The following CPVL variants were observed in gnomAD, a reference collection of about 807,000 sequenced individuals.
CPVL encodes probable serine carboxypeptidase CPVL.
CPVL carries 51 observed loss-of-function variants against 63.7 expected under a neutral mutation model. That is an observed-to-expected ratio of 0.80 (90% confidence interval 0.64 to 1.01). The LOEUF is 1.01. CPVL is among the 50% of genes least tolerant of loss of function. CPVL has a pLI of 0.00. For missense variants in CPVL, 530 were observed against 573.1 expected (o/e 0.92, Z 0.77); for synonymous variants, 195 against 206.0 (o/e 0.95, Z 0.46).
chr7:29,124,974 G>A (rs1034797000), intron 1 of CPVL: 1 of 152,070 alleles, frequency 6.6e-6, no homozygotes, highest in African/African-American at 2.4e-5. Flanking sequence ...TTCTAGAATA[G>A]CTTCTTCTTT....
intron 11 of CPVL, among the ~76,000 whole-genome samples, chr7:29,062,850 C>CA (rs1196367825): frequency 6.6e-6 from 1 of 152,130 alleles, no homozygotes; most frequent in East Asian, 1.9e-4. Context: ...CTAATTCATA[C>CA]AAAAATCCTA....
At chr7:29,020,807 T>C (rs1297246409) in intron 12 of CPVL, among the ~76,000 whole-genome samples, 1 of 152,082 alleles carries the variant, frequency 6.6e-6, no homozygotes, top group East Asian at 1.9e-4. Context: ...AAGAATAAAA[T>C]TGTTAAACCT....
chr7:29,120,239 T>C (rs941798367), intron 2 of CPVL, among the ~76,000 whole-genome samples: 1 of 152,068 alleles, frequency 6.6e-6, no homozygotes, highest in Non-Finnish European at 1.5e-5. Context: ...CTGGCCAACA[T>C]GGTGAAACCC....
At chr7:29,172,492 G>A (rs534907607) in intron 5 of CPVL, among the ~76,000 whole-genome samples, 3 of 152,074 alleles carry the variant, frequency 2.0e-5, no homozygotes, top group Non-Finnish European at 4.4e-5. Flanking sequence ...AAATAACCAA[G>A]CCTTCAGATT....
intron 3 of CPVL, among the ~76,000 whole-genome samples, chr7:29,108,285 G>A (rs957921530): frequency 6.6e-6 from 1 of 152,222 alleles, no homozygotes; most frequent in African/African-American, 2.4e-5. Context: ...TGATCTGCAG[G>A]TTTTGGCTAA....
intron 4 of CPVL, 53 bp downstream of exon 4, chr7:29,096,050 T>G: frequency 7.3e-7 from 1 of 1,368,592 alleles, no homozygotes; most frequent in African/African-American, 1.4e-5. Context: ...TTGGAGCAGG[T>G]ATGAGGCTCA....
At chr7:29,056,949 C>CTT (rs70977101) in intron 11 of CPVL, among the ~76,000 whole-genome samples, 8,534 of 117,994 alleles carry the variant, frequency 0.072, 656 homozygotes, top group East Asian at 0.22. Context: ...TTTTCCTTTT[C>CTT]TTTTTTTTTT....
At chr7:29,067,121 T>C (rs372267597) in intron 9 of CPVL, among the ~76,000 whole-genome samples, 18 of 152,184 alleles carry the variant, frequency 1.2e-4, no homozygotes, top group African/African-American at 3.4e-4. Context: ...TGGAGAAAGA[T>C]GTTTGAATGT....
intron 3 of CPVL, among the ~76,000 whole-genome samples, chr7:29,106,289 G>A (rs1787708532): frequency 6.6e-6 from 1 of 152,166 alleles, no homozygotes. Context: ...GCTGCAGAGA[G>A]AGCAGGGCTG....
At chr7:29,119,666 C>T (rs1302617329) in intron 2 of CPVL, among the ~76,000 whole-genome samples, 1 of 152,126 alleles carries the variant, frequency 6.6e-6, no homozygotes, top group Non-Finnish European at 1.5e-5. Context: ...AAGATTTTCA[C>T]GTGCCTTATC....
chr7:29,034,073 GT>G (rs955049014), intron 11 of CPVL, among the ~76,000 whole-genome samples: 16 of 152,056 alleles, frequency 1.1e-4, no homozygotes, highest in African/African-American at 3.6e-4. Flanking sequence ...TTTCTGTTTT[GT>G]TTTGTTTTTG....
In CPVL at chr7:29,048,393, A is replaced by C. The variant is rs140471820; in HGVS notation, c.1137+15668T>G. ...GCATTTCATGCAAAGAGACACCAAAAGTGAGCAGGAATAGCTATTCTTATA... is the reference window on the plus strand; with the variant it reads ...GCATTTCATGCAAAGAGACACCAAACGTGAGCAGGAATAGCTATTCTTATA... On this transcript the variant is annotated intron_variant, in intron 11 of 12. Coordinates refer to ENST00000265394, the MANE Select transcript of CPVL (RefSeq NM_031311.5). 3.2e-3 allele frequency among the ~76,000 whole-genome samples: 483 copies of C among 152,342 alleles called. 3 individuals are homozygous for C. The highest frequency in any genetic ancestry group is 0.011 in the African/African-American group (458 of 41,582).
chr7:29,141,877 C>T (rs1488367522), intron 1 of CPVL, among the ~76,000 whole-genome samples: 4 of 150,672 alleles, frequency 2.7e-5, no homozygotes, highest in South Asian at 2.1e-4. Context: ...ATTGTGCCAC[C>T]GCACTCCAGC....
intron 5 of CPVL, among the ~76,000 whole-genome samples, chr7:29,164,498 AT>A (rs1273957832): frequency 6.6e-6 from 1 of 151,926 alleles, no homozygotes; most frequent in African/African-American, 2.4e-5. Context: ...AAAGTGTTCA[AT>A]TTTGGCCAGG....
chr7:29,193,646 A>C (rs559970377), intron 1 of CPVL: 1 of 152,312 alleles, frequency 6.6e-6, no homozygotes, highest in South Asian at 2.1e-4. Flanking sequence ...ATTTCCTCCC[A>C]GTGAAATTAA....
chr7:29,166,088 T>G (rs1795875581), intron 5 of CPVL, among the ~76,000 whole-genome samples: 1 of 152,162 alleles, frequency 6.6e-6, no homozygotes, highest in Admixed American at 6.6e-5. Flanking sequence ...TGGAGTGCAG[T>G]GGTGCAATAT....
At chr7:29,146,180 G>C (rs1347712138) in intron 1 of CPVL, 2 of 160,122 alleles carry the variant, frequency 1.2e-5, no homozygotes, top group African/African-American at 4.8e-5. Flanking sequence ...CCCCGGGTGC[G>C]ACAGTTGTGC....
At chr7:29,088,814 A>C (rs1044584687) in intron 6 of CPVL, among the ~76,000 whole-genome samples, 1 of 152,130 alleles carries the variant, frequency 6.6e-6, no homozygotes, top group African/African-American at 2.4e-5. Context: ...GTTTCTACTA[A>C]AAATACAAAA....
At chr7:29,030,951 T>G (rs959339866) in intron 11 of CPVL, among the ~76,000 whole-genome samples, 192 bp from the exon 12 acceptor site, 1 of 152,244 alleles carries the variant, frequency 6.6e-6, no homozygotes, top group Admixed American at 6.5e-5. Context: ...GAATTCTTCA[T>G]AGTAATCTGC....
Sources: allele counts gnomAD v4.1 joint callset (sites outside exome capture counted in the v4.1 genomes callset), GRCh38; gene constraint gnomAD v4.1.1; transcripts MANE v1.5; gene names NCBI Gene and HGNC (gene_info 2026-07-23, HGNC 2026-07-21).